Variants in WNK4 observed in about 807,000 individuals in gnomAD.
The protein encoded by WNK4 is WNK lysine deficient protein kinase 4, also known as serine/threonine-protein kinase WNK4.
Under a neutral mutation model 116.2 loss-of-function variants are expected in WNK4, and 94 were observed. That is an observed-to-expected ratio of 0.81 (90% CI 0.68 to 0.96). The LOEUF (loss-of-function observed/expected upper bound fraction) is 0.96, where lower values mean the gene tolerates loss of function less well. Ranked by LOEUF, WNK4 falls within the 40% of genes least tolerant of loss-of-function variation. The pLI is 0.00. For missense variants in WNK4, 1,542 were observed against 1,650.6 expected (o/e 0.93, Z 1.14); for synonymous variants, 655 against 672.7 (o/e 0.97, Z 0.41).
At position 42,781,222 on chromosome 17, in the gene WNK4, A is replaced by G. The variant is rs1436692387; in HGVS notation, c.524A>G (p.Lys175Arg). ...ACGTCCCCCGATGGCCGATACCTCA[A>G]GTTTGACATCGAGATTGGACGTGGC... ...VATSPDGRYLKFDIEIGRGSF... is the reference protein window; with the variant it reads ...VATSPDGRYLRFDIEIGRGSF... The change falls in exon 1 of 19, where the codon AAG (lysine) becomes AGG (arginine). Residue 175 changes from lysine to arginine, a missense_variant. Physicochemically the swap from Lys to Arg is conservative, Grantham distance 26. Around this residue, in one of 7 missense-constraint regions of WNK4, gnomAD observed 44 missense variants for 77.7 expected, o/e 0.57. Transcript: ENST00000246914. 1.9e-6 allele frequency: 3 copies of G among 1,614,150 alleles called. No individual in the cohort carries two copies. The South Asian group carries it at 3.3e-5, about 18-fold the overall frequency.
chr17:42,785,395 G>A lies in WNK4; in HGVS notation c.1389G>A (p.Arg463=), dbSNP rs1203530470. Residue 463 remains arginine (R), a synonymous_variant, in exon 6 of 19, where the codon CGG becomes CGA. Transcript: ENST00000246914. The part of the protein sequence containing the change: ...LKLWLRMEDA[R]RGGRPRDNQA... ...TCTGGCTGCGCATGGAGGACGCGCG[G>A]CGCGGGGGGCGCCCACGGGACAACC... 6.3e-7 allele frequency: 1 copy of A among 1,582,388 alleles called. No individual in the cohort carries two copies. The highest frequency in any genetic ancestry group is 8.6e-7 in the Non-Finnish European group (1 of 1,164,064).
At chr17:42,795,599 A>G in intron 15 of WNK4, 26 bp from the exon 16 acceptor site, 1 of 1,613,918 alleles carries the variant, frequency 6.2e-7, no homozygotes, top group South Asian at 1.1e-5. Context: ...TCCTTTCCTC[A>G]TGCCTTCTTC....
intron 11 of WNK4, 112 bp downstream of exon 11, chr17:42,788,909 CTGGT>C: frequency 2.3e-6 from 2 of 869,310 alleles, no homozygotes; most frequent in Non-Finnish European, 3.9e-6. Context: ...TTTTAAATCT[CTGGT>C]TGACACTTAG....
At position 42,784,696 on chromosome 17, in the gene WNK4, C is replaced by T; in HGVS notation, c.1170+117C>T. 7.4e-7 allele frequency: 1 copy of T among 1,356,204 alleles called. No homozygotes were observed. The highest frequency in any genetic ancestry group is 1.2e-5 in the South Asian group (1 of 80,258). 84.0% of individuals were successfully genotyped at this position (1,356,204 alleles called of 1,614,324 possible). ...CACGAAAACAGGCTAGACACAGAGT[C>T]GCCTTGGTGAACACAGAAGGATATT... is the stretch of plus-strand genomic sequence containing the variant. On this transcript the variant is annotated intron_variant, in intron 4 of 18. Transcript: ENST00000246914. This position sits in a 1 kb window ranked among gnomAD's most constrained non-coding sequence, Gnocchi z 4.4.
In WNK4 at chr17:42,780,913, C is replaced by G; in HGVS notation, c.215C>G (p.Ser72Cys). The part of the protein sequence containing the change: ...RSSVDLGLLS[S>C]WSLPASPAPD... Reference sequence around the variant, plus strand: ...TCAGTCGACTTGGGGCTGCTGAGCTCTTGGTCCCTGCCAGCCTCACCCGCT... The same window carrying G: ...TCAGTCGACTTGGGGCTGCTGAGCTGTTGGTCCCTGCCAGCCTCACCCGCT... The change falls in exon 1 of 19, where the codon TCT (serine) becomes TGT (cysteine). Residue 72 changes from serine (S) to cysteine (C), a missense_variant. By Grantham distance (112) the Ser-to-Cys change is moderately radical. This residue lies in a region of WNK4 where 243 missense variants were observed against 217.8 expected (regional missense o/e 1.12). Coordinates refer to ENST00000246914, the MANE Select transcript of WNK4 (RefSeq NM_032387.5). 1.9e-6 allele frequency: 3 copies of G among 1,608,262 alleles called. No individual in the cohort carries two copies. Among genetic ancestry groups the G allele is most frequent in the Non-Finnish European group, 2.5e-6 (3 of 1,179,702 alleles).
chr17:42,783,739 G>A (rs372703458), intron 2 of WNK4, 198 bp from the exon 3 acceptor site: 3 of 619,286 alleles, frequency 4.8e-6, no homozygotes, highest in East Asian at 2.8e-5. Flanking sequence ...TTCCCAACCC[G>A]TTTGGTAACG....
In WNK4 at chr17:42,781,084, A is replaced by C; in HGVS notation, c.386A>C (p.Asp129Ala). 1 of 1,613,152 alleles carries C rather than the reference A, an allele frequency of 6.2e-7. No individual in the cohort carries two copies. Among genetic ancestry groups the C allele is most frequent in the Non-Finnish European group, 8.5e-7 (1 of 1,179,754 alleles). The part of the protein sequence containing the change: ...AEDSARPELP[D>A]SAVGPGSREP... ...GACTCCGCGCGTCCCGAGCTCCCGG[A>C]CTCTGCAGTGGGCCCGGGGTCCAGG... Residue 129 changes from aspartate to alanine, a missense_variant, in exon 1 of 19, where the codon GAC (aspartate) becomes GCC (alanine). Coordinates refer to ENST00000246914, the MANE Select transcript of WNK4 (RefSeq NM_032387.5).
chr17:42,795,608 T>C lies in WNK4; in HGVS notation c.3023-17T>C, dbSNP rs766075418. 2.4e-5 allele frequency: 38 copies of C among 1,614,004 alleles called. No homozygotes were observed. Among genetic ancestry groups the C allele is most frequent in the Admixed American group, 1.3e-4 (8 of 60,012 alleles). ...CTGCTCTCCTTTCCTCATGCCTTCT[T>C]CCTCGTCGCCCTACAGAGGGAAAGC... is the stretch of plus-strand genomic sequence containing the variant. On this transcript the variant is annotated splice_polypyrimidine_tract_variant and intron_variant, in intron 15 of 18. Transcript: ENST00000246914.
At position 42,788,142 on chromosome 17, in the gene WNK4, T is replaced by C. The variant is rs1204963138; in HGVS notation, c.1876T>C (p.Ser626Pro). Residue 626 changes from serine (S) to proline (P), a missense_variant, in exon 9 of 19, where the codon TCC becomes CCC. Coordinates refer to ENST00000246914, the MANE Select transcript of WNK4 (RefSeq NM_032387.5). ...HLCLPSAFAL[S>P]IPRSGPGSDF... Reference sequence around the variant, plus strand: ...TATCCTGTTTCAGGCTTTTGCCCTATCCATTCCACGTTCTGGCCCTGGAAG... The same window carrying C: ...TATCCTGTTTCAGGCTTTTGCCCTACCCATTCCACGTTCTGGCCCTGGAAG... 4 of 1,614,194 alleles carry C rather than the reference T, an allele frequency of 2.5e-6. No homozygotes were observed. The highest frequency in any genetic ancestry group is 1.1e-5 in the South Asian group (1 of 91,090).
In WNK4 at chr17:42,795,614, T is replaced by C; in HGVS notation, c.3023-11T>C. The C allele has an allele frequency of 6.2e-7, 1 of 1,614,068 alleles. No individual in the cohort carries two copies. Among genetic ancestry groups the C allele is most frequent in the Non-Finnish European group, 8.5e-7 (1 of 1,180,040 alleles). On this transcript the variant is annotated splice_polypyrimidine_tract_variant and intron_variant, in intron 15 of 18. Coordinates refer to ENST00000246914, the MANE Select transcript of WNK4 (RefSeq NM_032387.5). ...TCCTTTCCTCATGCCTTCTTCCTCG[T>C]CGCCCTACAGAGGGAAAGCCGCAGC...
intron 12 of WNK4, chr17:42,794,232 A>C (rs1555545081): frequency 1.2e-5 from 4 of 331,566 alleles, no homozygotes; most frequent in Non-Finnish European, 1.7e-5. Context: ...TTCAATACAT[A>C]CTTTTCTTTT....
At position 42,796,242 on chromosome 17, in the gene WNK4, G is replaced by A. The variant is rs1288716436; in HGVS notation, c.3551G>A (p.Ser1184Asn). 6.2e-7 allele frequency: 1 copy of A among 1,610,034 alleles called. No individual in the cohort carries two copies. ...GIVAPAAMLS[S>N]RQRRLSKGSF... ...GTGGCCCCAGCTGCTATGCTGTCCAGCCGCCAGCGCCGCCTCTCCAAGGGC... is the reference window on the plus strand; with the variant it reads ...GTGGCCCCAGCTGCTATGCTGTCCAACCGCCAGCGCCGCCTCTCCAAGGGC... Residue 1184 changes from serine (S) to asparagine (N), a missense_variant, in exon 17 of 19, where the codon AGC (serine) becomes AAC (asparagine). Physicochemically the swap from Ser to Asn is conservative, Grantham distance 46. Coordinates refer to ENST00000246914, the MANE Select transcript of WNK4 (RefSeq NM_032387.5).
chr17:42,782,448 G>A lies in WNK4; in HGVS notation c.619-310G>A, dbSNP rs2054494781. Among the ~76,000 whole-genome samples, 1 of 152,230 alleles carries A rather than the reference G, an allele frequency of 6.6e-6. No homozygotes were observed. Among genetic ancestry groups the A allele is most frequent in the Admixed American group, 6.5e-5 (1 of 15,292 alleles). On this transcript the variant is annotated intron_variant, in intron 1 of 18. Coordinates refer to ENST00000246914, the MANE Select transcript of WNK4 (RefSeq NM_032387.5). This position sits in a 1 kb window ranked among gnomAD's most constrained non-coding sequence, Gnocchi z 4.2. ...CCCGGGTGCCCCCTCCCGCCCCATG[G>A]CCGGCCTGGGCAGCCACAAAGGCAC... is the stretch of plus-strand genomic sequence containing the variant.
chr17:42,788,689 C>A lies in WNK4; in HGVS notation c.2049C>A (p.Asp683Glu). 6.2e-7 allele frequency: 1 copy of A among 1,613,844 alleles called. No individual in the cohort carries two copies. Among genetic ancestry groups the A allele is most frequent in the Non-Finnish European group, 8.5e-7 (1 of 1,179,800 alleles). Residue 683 changes from aspartate (D) to glutamate (E), a missense_variant, in exon 11 of 19, where the codon GAC (aspartate) becomes GAA (glutamate). Physicochemically the swap from Asp to Glu is conservative, Grantham distance 45 (BLOSUM62 2). Coordinates refer to ENST00000246914, the MANE Select transcript of WNK4 (RefSeq NM_032387.5). ...RSRLRVTSVSDQNDRVVECQL... is the reference protein window; with the variant it reads ...RSRLRVTSVSEQNDRVVECQL... ...TGACTTTGAATCTGAAGGTCTCAGA[C>A]CAGAATGACAGAGTGGTTGAGTGCC...
chr17:42,794,972 T>C lies in WNK4; in HGVS notation c.2551T>C (p.Ser851Pro). Reference sequence around the variant, plus strand: ...ATTCTCCCCCATTTCTTCCCAGGTCTCCTCAAATCCCTCTCCACACCCCAC... The same window carrying C: ...ATTCTCCCCCATTTCTTCCCAGGTCCCCTCAAATCCCTCTCCACACCCCAC... ...SPFSPISSQV[S>P]SNPSPHPTSS... Residue 851 changes from serine to proline, a missense_variant, in exon 14 of 19, where the codon TCC becomes CCC. Transcript: ENST00000246914. The C allele has an allele frequency of 6.4e-7, 1 of 1,566,222 alleles. No homozygotes were observed. Among genetic ancestry groups the C allele is most frequent in the Non-Finnish European group, 8.6e-7 (1 of 1,157,574 alleles).
At chr17:42,788,217 G>A (rs1424879950) in intron 9 of WNK4, 29 bp downstream of exon 9, 3 of 1,614,006 alleles carry the variant, frequency 1.9e-6, no homozygotes, top group African/African-American at 2.7e-5. Flanking sequence ...TGGGGTGCCA[G>A]GGTGAGACAC....
At chr17:42,786,703 T>C (rs1227389140) in intron 6 of WNK4, among the ~76,000 whole-genome samples, 1 of 152,166 alleles carries the variant, frequency 6.6e-6, no homozygotes, top group Non-Finnish European at 1.5e-5. Flanking sequence ...GAGTATGGGA[T>C]TCTTAATAGA....
In WNK4 at chr17:42,788,180, C is replaced by T. The variant is rs368434117; in HGVS notation, c.1914C>T (p.Pro638=). 41 of 1,614,054 alleles carry T rather than the reference C, an allele frequency of 2.5e-5. No homozygotes were observed. The highest frequency in any genetic ancestry group is 8.0e-5 in the African/African-American group (6 of 74,920). Reference sequence around the variant, plus strand: ...CTGGCCCTGGAAGTGACTTTTCCCCCGGGGACAGGTATGTTCTGGTACAAG... The same window carrying T: ...CTGGCCCTGGAAGTGACTTTTCCCCTGGGGACAGGTATGTTCTGGTACAAG... ...PRSGPGSDFS[P]GDSYASDAAS... The change falls in exon 9 of 19, where the codon CCC becomes CCT. Residue 638 remains proline, a synonymous_variant. Transcript: ENST00000246914.
At position 42,784,352 on chromosome 17, in the gene WNK4, G is replaced by T. The variant is rs2054518061; in HGVS notation, c.1013-70G>T. The T allele has an allele frequency of 1.3e-6, 2 of 1,587,026 alleles. No homozygotes were observed. The highest frequency in any genetic ancestry group is 1.7e-6 in the Non-Finnish European group (2 of 1,166,306). ...ACTTGCACTCGCAGGGTTGCCTGGG[G>T]CTGCCTAGCCCAGTGGGAAGGACGA... On this transcript the variant is annotated intron_variant, in intron 3 of 18. Coordinates refer to ENST00000246914, the MANE Select transcript of WNK4 (RefSeq NM_032387.5). This position sits in a 1 kb window ranked among gnomAD's most constrained non-coding sequence, Gnocchi z 4.4.
Sources: gnomAD v4.1 joint callset for allele counts (sites outside exome capture counted in the v4.1 genomes callset) on GRCh38, gnomAD v4.1.1 for gene constraint, gnomAD v4.1.1 regional missense constraint, Gnocchi (gnomAD v3.1) non-coding constraint, MANE v1.5 for transcripts, NCBI Gene and HGNC (gene_info 2026-07-23, HGNC 2026-07-21) for gene names.